Variants in USP34 observed in about 807,000 individuals in gnomAD.
The protein encoded by USP34 is ubiquitin specific peptidase 34.
Under a neutral mutation model 460.3 loss-of-function variants are expected in USP34, and 70 were observed. That is an observed-to-expected ratio of 0.15 (90% CI 0.13 to 0.19). The LOEUF is 0.19. Ranked by LOEUF, USP34 falls within the 10% of genes least tolerant of loss-of-function variation. The pLI is 1.00. For synonymous variants in USP34, 1,647 were observed against 1,405.3 expected, an observed-to-expected ratio of 1.17 and a Z score of -3.85; for missense variants, 3,985 against 4,236.2, an observed-to-expected ratio of 0.94 and a Z score of 1.65.
chr2:61,367,254 G>C (rs1692468270), intron 10 of USP34, among the ~76,000 whole-genome samples: 1 of 152,226 alleles, frequency 6.6e-6, no homozygotes, highest in African/African-American at 2.4e-5. Context: ...CTAGCAGTAT[G>C]CGACACTGTC....
chr2:61,331,834 T>C (rs1691276752), intron 19 of USP34, among the ~76,000 whole-genome samples: 1 of 152,008 alleles, frequency 6.6e-6, no homozygotes, highest in Non-Finnish European at 1.5e-5. Flanking sequence ...CAAAATAATG[T>C]AGAAATACTA....
intron 1 of USP34, among the ~76,000 whole-genome samples, chr2:61,422,976 T>C (rs1332584657): frequency 2.0e-5 from 3 of 152,212 alleles, no homozygotes; most frequent in Non-Finnish European, 2.9e-5. Flanking sequence ...TCCATTAAAC[T>C]GCAGTTTGCA....
chr2:61,239,298 TGTCA>T lies in USP34; in HGVS notation c.6777+2258_6777+2261del, dbSNP rs1688173361. ...GCTTCCTCACTTTAAATGAGGGCCC[TGTCA>T]CACACACACACACACACACACACAC... is the stretch of plus-strand genomic sequence containing the variant. On this transcript the variant is annotated intron_variant, in intron 53 of 79. Coordinates refer to ENST00000398571, the MANE Select transcript of USP34 (RefSeq NM_014709.4). Among the ~76,000 whole-genome samples, 5 of 97,228 alleles carry T rather than the reference TGTCA, an allele frequency of 5.1e-5. No homozygotes were observed. In the South Asian group the frequency reaches 1.4e-3, roughly 27 times the overall value. The allele number at this position is 97,228 out of a possible 152,430, so 63.8% of individuals were successfully genotyped here. A position where few individuals can be genotyped will look rare whatever the true frequency, so the allele number is the denominator to read the frequency against.
chr2:61,464,643 G>A (rs1429991161), intron 1 of USP34, among the ~76,000 whole-genome samples: 2 of 150,188 alleles, frequency 1.3e-5, no homozygotes, highest in South Asian at 2.1e-4. Flanking sequence ...TGTAGTCCCA[G>A]GAGGCGGAGG....
intron 13 of USP34, 132 bp downstream of exon 13, chr2:61,349,118 T>TA (rs1417263895): frequency 2.7e-5 from 31 of 1,168,224 alleles, no homozygotes; most frequent in Non-Finnish European, 3.3e-5. Context: ...ACGAATATGT[T>TA]AAAGGTTTAC....
chr2:61,209,031 TAGGTGATGAAAAAATAAAAAGAAATAA>T, intron 69 of USP34, 54 bp from the exon 70 acceptor site: 1 of 1,107,878 alleles, frequency 9.0e-7, no homozygotes. Flanking sequence ...ACACAACACT[TAGGTGATGAAAAAATAAAAAGAAATAA>T]AATCATCATT....
intron 1 of USP34, among the ~76,000 whole-genome samples, chr2:61,464,377 GGAGTAGCT>G (rs1382789108): frequency 6.6e-6 from 1 of 152,098 alleles, no homozygotes; most frequent in Non-Finnish European, 1.5e-5. Context: ...TACAGATATT[GGAGTAGCT>G]GAGTTCCATC....
rs1272180283 is a variant in USP34, at chr2:61,278,268, T to G, written c.5330A>C (p.His1777Pro). 4 of 1,613,804 alleles carry G rather than the reference T, an allele frequency of 2.5e-6. No homozygotes were observed. In the South Asian group the frequency reaches 4.4e-5, roughly 18 times the overall value. Residue 1777 changes from histidine to proline, a missense_variant, in exon 41 of 80, where the codon CAT (histidine) becomes CCT (proline). His to Pro is a moderately conservative substitution (Grantham distance 77, BLOSUM62 -2). Coordinates refer to ENST00000398571, the MANE Select transcript of USP34 (RefSeq NM_014709.4). ...DCIRSREILDHQDGNVEDDGL... is the reference protein window; with the variant it reads ...DCIRSREILDPQDGNVEDDGL... ...ATCATCTTCTACATTACCATCCTGATGATCAAGGATCTCCCTACTACAAAA... is the reference window on the plus strand; with the variant it reads ...ATCATCTTCTACATTACCATCCTGAGGATCAAGGATCTCCCTACTACAAAA...
At chr2:61,461,337 G>C (rs1299529654) in intron 1 of USP34, among the ~76,000 whole-genome samples, 3 of 151,256 alleles carry the variant, frequency 2.0e-5, no homozygotes, top group African/African-American at 7.3e-5. Flanking sequence ...AGGTTGCAGT[G>C]AGCCGAGATG....
At chr2:61,308,755 T>C (rs942338311) in intron 27 of USP34, among the ~76,000 whole-genome samples, 3 of 152,106 alleles carry the variant, frequency 2.0e-5, no homozygotes, top group African/African-American at 4.8e-5. Flanking sequence ...AAATACTACA[T>C]GTTGGCTGGG....
Position 61,290,174 on chromosome 2 carries a change from T to C in USP34, c.4549-1297A>G, listed in dbSNP as rs1199376993. The stretch of plus-strand genomic sequence containing the variant: ...GCTAACACTACTATACCCATTAGAA[T>C]AGCTCAAATTTTAAAACCCTGTTCA... On this transcript the variant is annotated intron_variant, in intron 33 of 79. Transcript: ENST00000398571. Among the ~76,000 whole-genome samples the C allele has an allele frequency of 2.0e-5, 3 of 152,266 alleles. No homozygotes were observed. In the East Asian group the frequency reaches 5.8e-4, roughly 29 times the overall value.
At chr2:61,374,690 A>G (rs560751738) in intron 8 of USP34, among the ~76,000 whole-genome samples, 1 of 152,082 alleles carries the variant, frequency 6.6e-6, no homozygotes, top group East Asian at 1.9e-4. Context: ...GCTCACTGCA[A>G]ACTCCACCTC....
chr2:61,362,037 GACAA>G (rs760080041), intron 10 of USP34, among the ~76,000 whole-genome samples: 6 of 151,902 alleles, frequency 3.9e-5, no homozygotes, highest in South Asian at 2.1e-4. Flanking sequence ...CTCAAAAAAA[GACAA>G]ACAAATAGCC....
Position 61,239,300 on chromosome 2 carries a change from TCACACACACACACACACACACACA to T in USP34, c.6777+2236_6777+2259del, listed in dbSNP as rs60152908. On this transcript the variant is annotated intron_variant, in intron 53 of 79. Coordinates refer to ENST00000398571, the MANE Select transcript of USP34 (RefSeq NM_014709.4). ...TTCCTCACTTTAAATGAGGGCCCTG[TCACACACACACACACACACACACA>T]CACACACACACACACACACACACAC... Among the ~76,000 whole-genome samples the T allele has an allele frequency of 7.9e-4, 105 of 132,856 alleles. 2 individuals carry two copies. The highest frequency in any genetic ancestry group is 5.0e-3 in the Admixed American group (64 of 12,806). 87.2% of individuals were successfully genotyped at this position (132,856 alleles called of 152,430 possible). A position where few individuals can be genotyped will look rare whatever the true frequency, so the allele number is the denominator to read the frequency against.
intron 2 of USP34, among the ~76,000 whole-genome samples, chr2:61,407,118 G>A (rs1693896874): frequency 6.6e-6 from 1 of 152,212 alleles, no homozygotes; most frequent in Admixed American, 6.5e-5. Context: ...AGGTGCAGTG[G>A]TTCACACCTG....
At position 61,223,312 on chromosome 2, in the gene USP34, A is replaced by C; in HGVS notation, c.7596-16T>G. ...TGTCAAATGCCTGAAAGAAAATATTAGTGGAAATAAGTTTTTCTTCCTTCT... is the reference window on the plus strand; with the variant it reads ...TGTCAAATGCCTGAAAGAAAATATTCGTGGAAATAAGTTTTTCTTCCTTCT... On this transcript the variant is annotated splice_polypyrimidine_tract_variant and intron_variant, in intron 62 of 79. Coordinates refer to ENST00000398571, the MANE Select transcript of USP34 (RefSeq NM_014709.4). The C allele has an allele frequency of 6.2e-7, 1 of 1,610,560 alleles. No individual in the cohort carries two copies. Among genetic ancestry groups the C allele is most frequent in the Non-Finnish European group, 8.5e-7 (1 of 1,178,818 alleles).
rs762081440 is a variant in USP34 at position 61,394,804 on chromosome 2, A to T, written c.753+49T>A. ...AGAGCATAAAATTCATGTTACTGAT[A>T]TGCTAGACATTGCTCCCAAAATTAA... is the stretch of plus-strand genomic sequence containing the variant. On this transcript the variant is annotated intron_variant, in intron 5 of 79. Coordinates refer to ENST00000398571, the MANE Select transcript of USP34 (RefSeq NM_014709.4). 1.0e-5 allele frequency: 14 copies of T among 1,381,742 alleles called. No individual in the cohort carries two copies. In the Admixed American group the frequency reaches 2.7e-4, roughly 26 times the overall value. The allele number at this position is 1,381,742 out of a possible 1,614,324, so 85.6% of individuals were successfully genotyped here. A position where few individuals can be genotyped will look rare whatever the true frequency, so the allele number is the denominator to read the frequency against.
At chr2:61,241,348 T>C (rs1231758677) in intron 53 of USP34, among the ~76,000 whole-genome samples, 1 of 152,218 alleles carries the variant, frequency 6.6e-6, no homozygotes, top group African/African-American at 2.4e-5. Flanking sequence ...AGTCGCCTAC[T>C]CTCTTTTAGT....
intron 50 of USP34, 73 bp from the exon 51 acceptor site, chr2:61,245,361 G>A: frequency 1.2e-6 from 1 of 858,000 alleles, no homozygotes; most frequent in Non-Finnish European, 1.7e-6. Context: ...ACTATTTTTT[G>A]AATAACCAAT....
Sources: gnomAD v4.1 joint callset for allele counts (sites outside exome capture counted in the v4.1 genomes callset) on GRCh38, gnomAD v4.1.1 for gene constraint, MANE v1.5 for transcripts, NCBI Gene and HGNC (gene_info 2026-07-23, HGNC 2026-07-21) for gene names.